CACNA1E: variants seen among roughly 807,000 people sequenced by gnomAD.
CACNA1E encodes the protein voltage-dependent R-type calcium channel subunit alpha-1E.
A neutral mutation model predicts 259.2 loss-of-function variants in CACNA1E; 40 were observed. The ratio of observed to expected loss-of-function variants is 0.15; its 90% CI spans 0.12 to 0.20. CACNA1E has a LOEUF of 0.20. Ranked by LOEUF, CACNA1E falls within the 10% of genes least tolerant of loss-of-function variation. The probability of loss-of-function intolerance (pLI) is 1.00; values close to 1 mark genes in which losing one functional copy is unlikely to be tolerated. For missense variants in CACNA1E, 1,874 were observed against 3,040.1 expected (o/e 0.62, Z 9.02); for synonymous variants, 1,104 against 1,138.5 (o/e 0.97, Z 0.61).
rs186086009 is a variant in CACNA1E, at chr1:181,540,964, G to A, written c.512+29454G>A. 3.0e-4 allele frequency among the ~76,000 whole-genome samples: 46 copies of A among 152,330 alleles called. 1 individual carries two copies. Among genetic ancestry groups the A allele is most frequent in the Admixed American group, 9.1e-4 (14 of 15,302 alleles). On this transcript the variant is annotated intron_variant, in intron 3 of 47. Transcript: ENST00000367573. ...ACGTGGTATTCAAATGCTCATTGGA[G>A]CATTTCAGATTTTGGAGTTTTGGAT...
At chr1:181,493,921 G>A (rs1269553592) in intron 1 of CACNA1E, among the ~76,000 whole-genome samples, 3 of 152,182 alleles carry the variant, frequency 2.0e-5, no homozygotes, top group East Asian at 3.8e-4. Flanking sequence ...TGCACATTGC[G>A]CCAGCTTTCC....
chr1:181,762,802 G>T (rs1024768828), intron 33 of CACNA1E, 145 bp downstream of exon 33: 2 of 630,132 alleles, frequency 3.2e-6, no homozygotes, highest in Middle Eastern at 2.5e-4. Context: ...TTGCTGCTTG[G>T]CATCAGCCAG....
At chr1:181,767,928 A>G (rs1488075872) in intron 35 of CACNA1E, among the ~76,000 whole-genome samples, 2 of 152,074 alleles carry the variant, frequency 1.3e-5, no homozygotes, top group Non-Finnish European at 2.9e-5. Flanking sequence ...GATTTAAATT[A>G]TTTTTTCAAA....
intron 2 of CACNA1E, among the ~76,000 whole-genome samples, chr1:181,457,564 C>T (rs761534455): frequency 2.6e-5 from 4 of 152,176 alleles, no homozygotes; most frequent in African/African-American, 4.8e-5. Context: ...CTGGTCAGCT[C>T]GGACAACTTC....
intron 2 of CACNA1E, among the ~76,000 whole-genome samples, chr1:181,476,421 G>C (rs889820084): frequency 1.3e-5 from 2 of 152,186 alleles, no homozygotes; most frequent in African/African-American, 4.8e-5. Flanking sequence ...AGGCAGGATT[G>C]GTGGGTGCAG....
chr1:181,792,169 C>T (rs1023399696), intron 44 of CACNA1E, among the ~76,000 whole-genome samples: 27 of 151,786 alleles, frequency 1.8e-4, no homozygotes, highest in African/African-American at 6.3e-4. Context: ...GCCTGCCTGG[C>T]GATGTGTCTA....
chr1:181,571,258 C>T (rs1055855277), intron 3 of CACNA1E, among the ~76,000 whole-genome samples: 2 of 152,160 alleles, frequency 1.3e-5, no homozygotes, highest in Admixed American at 6.6e-5. Flanking sequence ...TGAAACTAGC[C>T]AGTGTGACTG....
chr1:181,754,518 G>A (rs1256467687), intron 27 of CACNA1E, among the ~76,000 whole-genome samples: 1 of 152,206 alleles, frequency 6.6e-6, no homozygotes, highest in Non-Finnish European at 1.5e-5. Flanking sequence ...AGGGCCTAGA[G>A]TGGAGGTCTC....
chr1:181,656,026 G>T (rs547823992), intron 7 of CACNA1E, among the ~76,000 whole-genome samples: 5 of 152,096 alleles, frequency 3.3e-5, no homozygotes, highest in Non-Finnish European at 4.4e-5. Flanking sequence ...TTGTGGTGAC[G>T]CTGGTGTAAA....
intron 1 of CACNA1E, among the ~76,000 whole-genome samples, chr1:181,342,889 A>G (rs773165069): frequency 3.9e-5 from 6 of 152,092 alleles, no homozygotes; most frequent in Admixed American, 1.3e-4. Context: ...TTTCCTGCTT[A>G]TATATTCACA....
chr1:181,758,934 G>T lies in CACNA1E; in HGVS notation c.4605+66G>T. ...TCTGTTGGGTGCCTTCCCAGTCTTT[G>T]TTGAAGGGGAGGTGGTTACTGCTAT... On this transcript the variant is annotated intron_variant, in intron 32 of 47. Coordinates refer to ENST00000367573, the MANE Select transcript of CACNA1E (RefSeq NM_001205293.3). The surrounding 1 kb of genome is among the most constrained non-coding windows in gnomAD (Gnocchi z 4.2). The T allele has an allele frequency of 1.1e-6, 1 of 887,656 alleles. No individual in the cohort carries two copies. The highest frequency in any genetic ancestry group is 1.5e-5 in the South Asian group (1 of 66,890). 55.0% of individuals were successfully genotyped at this position (887,656 alleles called of 1,614,324 possible). A position where few individuals can be genotyped will look rare whatever the true frequency, so the allele number is the denominator to read the frequency against.
At chr1:181,773,806 G>A (rs2102781462) in intron 37 of CACNA1E, among the ~76,000 whole-genome samples, 1 of 152,314 alleles carries the variant, frequency 6.6e-6, no homozygotes, top group Admixed American at 6.5e-5. Context: ...ATATTTAAAA[G>A]AAACCAAAGA....
intron 18 of CACNA1E, among the ~76,000 whole-genome samples, chr1:181,729,173 G>A (rs1178765454): frequency 6.7e-6 from 1 of 149,884 alleles, no homozygotes; most frequent in East Asian, 2.0e-4. Flanking sequence ...TCAGGTGTGT[G>A]TGCACTGCTC....
At chr1:181,719,689 C>T in intron 12 of CACNA1E, 62 bp from the exon 13 acceptor site, 2 of 868,222 alleles carry the variant, frequency 2.3e-6, no homozygotes, top group South Asian at 1.6e-5. Context: ...GTGCTGGGCG[C>T]TAGAATGCCC....
intron 25 of CACNA1E, among the ~76,000 whole-genome samples, chr1:181,742,781 C>T (rs1193876138): frequency 6.6e-6 from 1 of 152,132 alleles, no homozygotes; most frequent in East Asian, 1.9e-4. Flanking sequence ...TTTCTACAAG[C>T]ATATATGTTG....
chr1:181,580,150 G>A (rs780086934), intron 5 of CACNA1E, among the ~76,000 whole-genome samples: 12 of 151,998 alleles, frequency 7.9e-5, no homozygotes, highest in Non-Finnish European at 1.6e-4. Flanking sequence ...AGGAATCCAC[G>A]CTGGAAAAAC....
chr1:181,622,177 A>G (rs1194238104), intron 6 of CACNA1E, among the ~76,000 whole-genome samples: 1 of 152,212 alleles, frequency 6.6e-6, no homozygotes, highest in Non-Finnish European at 1.5e-5. Context: ...GTTATGCTGT[A>G]GGAAGCATTG....
intron 2 of CACNA1E, among the ~76,000 whole-genome samples, chr1:181,420,982 A>G (rs1334578117): frequency 6.6e-6 from 1 of 152,208 alleles, no homozygotes; most frequent in Non-Finnish European, 1.5e-5. Flanking sequence ...ATAGGCACTC[A>G]GTAGACATTT....
At chr1:181,780,639 G>A (rs538286701) in intron 38 of CACNA1E, among the ~76,000 whole-genome samples, 10 of 152,330 alleles carry the variant, frequency 6.6e-5, no homozygotes, top group South Asian at 2.1e-4. Context: ...GGTGAAACCC[G>A]CAGCCGCATG....
Sources: allele counts gnomAD v4.1 joint callset (sites outside exome capture counted in the v4.1 genomes callset), GRCh38; gene constraint gnomAD v4.1.1; non-coding constraint Gnocchi (gnomAD v3.1); transcripts MANE v1.5; gene names NCBI Gene and HGNC (gene_info 2026-07-23, HGNC 2026-07-21).